KDSR: variants seen among roughly 807,000 people sequenced by gnomAD.
KDSR encodes the protein 3-dehydrosphinganine reductase.
Under a neutral mutation model 41.3 loss-of-function variants are expected in KDSR, and 23 were observed. The observed-to-expected ratio is 0.56, with a 90% confidence interval of 0.40 to 0.79. KDSR has a LOEUF of 0.79. Ranked by LOEUF, KDSR falls within the 30% of genes least tolerant of loss-of-function variation. The pLI is 0.00. For synonymous variants in KDSR, 138 were observed against 151.7 expected (o/e 0.91, Z 0.66); for missense variants, 351 against 416.8 (o/e 0.84, Z 1.37).
intron 6 of KDSR, 137 bp from the exon 7 acceptor site, chr18:63,344,630 C>A: frequency 1.7e-6 from 1 of 578,870 alleles, no homozygotes; most frequent in Non-Finnish European, 3.1e-6. Context: ...GGGAACTACA[C>A]CAATTGCATT....
chr18:63,331,882 A>T lies in KDSR; in HGVS notation c.899T>A (p.Phe300Tyr). 1 of 1,613,220 alleles carries T rather than the reference A, an allele frequency of 6.2e-7. No homozygotes were observed. The highest frequency in any genetic ancestry group is 8.5e-7 in the Non-Finnish European group (1 of 1,179,426). Residue 300 changes from phenylalanine (F) to tyrosine (Y), a missense_variant, in exon 10 of 10, where the codon TTC (phenylalanine) becomes TAC (tyrosine). Physicochemically the swap from Phe to Tyr is conservative, Grantham distance 22. Transcript: ENST00000645214. ...AAGGTAAAACAAAGCAATAGTGCGG[A>T]AAAGGCCCATGGTGACCACCTGCAA... Reference protein sequence around the residue: ...GLQQVVTMGLFRTIALFYLGS... With the variant: ...GLQQVVTMGLYRTIALFYLGS...
chr18:63,340,609 T>C (rs900495824), intron 7 of KDSR, among the ~76,000 whole-genome samples: 7 of 152,342 alleles, frequency 4.6e-5, no homozygotes, highest in African/African-American at 1.7e-4. Flanking sequence ...GAATATTCCA[T>C]TGAAAAAGTG....
intron 5 of KDSR, 46 bp downstream of exon 5, chr18:63,355,158 G>A: frequency 1.6e-6 from 2 of 1,275,890 alleles, no homozygotes; most frequent in Non-Finnish European, 2.3e-6. Context: ...AGCTTGCTCT[G>A]CTTTTAGCAT....
chr18:63,333,239 C>T (rs1914064719), intron 9 of KDSR, among the ~76,000 whole-genome samples: 2 of 152,088 alleles, frequency 1.3e-5, no homozygotes, highest in South Asian at 4.1e-4. Context: ...ACCACCACGC[C>T]TGGCTTTCTT....
rs1599316654 is a variant in KDSR at position 63,328,636 on chromosome 18, T to C, written c.*3146A>G. The C allele has an allele frequency of 6.1e-6, 1 of 163,754 alleles. No homozygotes were observed. The highest frequency in any genetic ancestry group is 2.4e-5 in the African/African-American group (1 of 41,938). 10.1% of individuals were successfully genotyped at this position (163,754 alleles called of 1,614,324 possible). A position where few individuals can be genotyped will look rare whatever the true frequency, so the allele number is the denominator to read the frequency against. On this transcript the variant is annotated 3_prime_UTR_variant, in exon 10 of 10. Coordinates refer to ENST00000645214, the MANE Select transcript of KDSR (RefSeq NM_002035.4). ...CAGCCTCCCAAAGTGCTGGGATTACTGGCGTGAGCCACCACGCCCGGCCCA... is the reference window on the plus strand; with the variant it reads ...CAGCCTCCCAAAGTGCTGGGATTACCGGCGTGAGCCACCACGCCCGGCCCA...
At chr18:63,358,160 A>G (rs774010414) in intron 3 of KDSR, among the ~76,000 whole-genome samples, 6 of 152,086 alleles carry the variant, frequency 3.9e-5, no homozygotes, top group East Asian at 1.9e-4. Flanking sequence ...GCGAGACTCC[A>G]TCTCAAAAAT....
At position 63,338,870 on chromosome 18, in the gene KDSR, C is replaced by T. The variant is rs201044231; in HGVS notation, c.707G>A (p.Arg236Gln). ...CACAGATGTGGTCTCTGAAATAAGT[C>T]GAGTCTCCAAAGGCTAAAAGTGGAA... ...EENRTKPLET[R>Q]LISETTSVCK... Residue 236 changes from arginine to glutamine, a missense_variant, in exon 8 of 10, where the codon CGA (arginine) becomes CAA (glutamine). Transcript: ENST00000645214. The T allele has an allele frequency of 9.3e-6, 15 of 1,604,992 alleles. No homozygotes were observed. Among genetic ancestry groups the T allele is most frequent in the South Asian group, 2.3e-5 (2 of 88,806 alleles).
At chr18:63,364,736 AC>A (rs1349381558) in intron 1 of KDSR, among the ~76,000 whole-genome samples, 6 of 152,300 alleles carry the variant, frequency 3.9e-5, no homozygotes, top group Admixed American at 2.0e-4. Flanking sequence ...GAGCCACTGT[AC>A]CCGGCCATAT....
chr18:63,334,254 G>T (rs1276733467), intron 9 of KDSR, among the ~76,000 whole-genome samples: 1 of 152,122 alleles, frequency 6.6e-6, no homozygotes, highest in Non-Finnish European at 1.5e-5. Flanking sequence ...GTGGTTGACT[G>T]CACAGAATTT....
intron 9 of KDSR, 71 bp from the exon 10 acceptor site, chr18:63,331,972 A>T: frequency 6.7e-7 from 1 of 1,500,596 alleles, no homozygotes. Context: ...TAGGTCTCTA[A>T]CAAACAGTTT....
chr18:63,327,932 A>T lies in KDSR; in HGVS notation c.*3850T>A. 4.9e-6 allele frequency: 1 copy of T among 203,124 alleles called. No homozygotes were observed. The highest frequency in any genetic ancestry group is 6.0e-5 in the Admixed American group (1 of 16,774). 12.6% of individuals were successfully genotyped at this position (203,124 alleles called of 1,614,324 possible). ...GCAAGTGTAAAATATAATAGCTACT[A>T]TCTCCCCTTCAAAATTGCAAATCCA... On this transcript the variant is annotated 3_prime_UTR_variant, in exon 10 of 10. Coordinates refer to ENST00000645214, the MANE Select transcript of KDSR (RefSeq NM_002035.4).
intron 7 of KDSR, among the ~76,000 whole-genome samples, chr18:63,341,799 C>A (rs1464838366): frequency 6.6e-6 from 1 of 152,122 alleles, no homozygotes; most frequent in Non-Finnish European, 1.5e-5. Flanking sequence ...ATTCTGGAAG[C>A]TGGAAATCAA....
chr18:63,360,677 G>T (rs1376137507), intron 2 of KDSR, among the ~76,000 whole-genome samples: 1 of 152,064 alleles, frequency 6.6e-6, no homozygotes, highest in African/African-American at 2.4e-5. Context: ...AAGCTCAGGA[G>T]TTTGAGACCA....
rs866658428 is a variant in KDSR at position 63,344,579 on chromosome 18, C to T, written c.610-86G>A. 4.4e-6 allele frequency: 4 copies of T among 899,308 alleles called. No individual in the cohort carries two copies. The Middle Eastern group carries it at 8.8e-4, about 199-fold the overall frequency. The allele number at this position is 899,308 out of a possible 1,614,324, so 55.7% of individuals were successfully genotyped here. On this transcript the variant is annotated intron_variant, in intron 6 of 9. Coordinates refer to ENST00000645214, the MANE Select transcript of KDSR (RefSeq NM_002035.4). ...CCAACCTGCACTGGCTGCCCTGATT[C>T]CCAAAAAGCGGTGAGAACAATGGGG... is the stretch of plus-strand genomic sequence containing the variant.
intron 6 of KDSR, chr18:63,345,119 G>GA (rs1018079099): frequency 1.3e-5 from 2 of 152,452 alleles, no homozygotes; most frequent in African/African-American, 4.8e-5. Context: ...CTCCTCCACT[G>GA]AACCAACAAG....
At chr18:63,336,331 G>A (rs1914156829) in intron 8 of KDSR, among the ~76,000 whole-genome samples, 1 of 152,130 alleles carries the variant, frequency 6.6e-6, no homozygotes, top group Admixed American at 6.6e-5. Context: ...TGCCTGGCTG[G>A]AGAGCATAAT....
chr18:63,348,947 G>A (rs1332668294), intron 6 of KDSR, among the ~76,000 whole-genome samples: 1 of 152,208 alleles, frequency 6.6e-6, no homozygotes, highest in Non-Finnish European at 1.5e-5. Context: ...CAGCAGACCT[G>A]GGGTCAAGGC....
At chr18:63,361,729 C>T (rs1372429823) in intron 2 of KDSR, among the ~76,000 whole-genome samples, 1 of 152,128 alleles carries the variant, frequency 6.6e-6, no homozygotes, top group Non-Finnish European at 1.5e-5. Context: ...GCAGGAGAAT[C>T]ACTTGAACCC....
chr18:63,346,680 C>T (rs1220631595), intron 6 of KDSR: 1 of 152,158 alleles, frequency 6.6e-6, no homozygotes, highest in African/African-American at 2.4e-5. Context: ...TTGGTATTCT[C>T]GCTATGCCAT....
Sources: allele counts gnomAD v4.1 joint callset (sites outside exome capture counted in the v4.1 genomes callset), GRCh38; gene constraint gnomAD v4.1.1; transcripts MANE v1.5; gene names NCBI Gene and HGNC (gene_info 2026-07-23, HGNC 2026-07-21).